Variants in STAT4 observed in about 807,000 individuals in gnomAD.
The protein encoded by STAT4 is signal transducer and activator of transcription 4.
STAT4 carries 42 observed loss-of-function variants against 110.5 expected under a neutral mutation model. The ratio of observed to expected loss-of-function variants is 0.38; its 90% CI spans 0.30 to 0.49. The LOEUF is 0.49. Among genes scored for constraint, STAT4 ranks in the 20% least tolerant of loss-of-function variants. The pLI is 0.95. For synonymous variants in STAT4, 284 were observed against 302.2 expected, an observed-to-expected ratio of 0.94 and a Z score of 0.63; for missense variants, 632 against 887.9, an observed-to-expected ratio of 0.71 and a Z score of 3.66.
intron 3 of STAT4, among the ~76,000 whole-genome samples, chr2:191,105,438 G>A (rs1698252870): frequency 6.6e-6 from 1 of 152,144 alleles, no homozygotes; most frequent in Non-Finnish European, 1.5e-5. Flanking sequence ...TTAAAAAGGT[G>A]GTCTTTACAG....
intron 3 of STAT4, among the ~76,000 whole-genome samples, chr2:191,141,835 T>C (rs1003591378): frequency 6.6e-6 from 1 of 152,038 alleles, no homozygotes; most frequent in Non-Finnish European, 1.5e-5. Flanking sequence ...TTTGCCATGA[T>C]GGCCAGGCTG....
intron 3 of STAT4, among the ~76,000 whole-genome samples, chr2:191,108,447 A>C (rs1477490714): frequency 6.6e-6 from 1 of 152,196 alleles, no homozygotes; most frequent in African/African-American, 2.4e-5. Flanking sequence ...AGATTCTTTC[A>C]CTTGCACATA....
At chr2:191,049,304 A>G (rs1380195469) in intron 14 of STAT4, among the ~76,000 whole-genome samples, 2 of 150,474 alleles carry the variant, frequency 1.3e-5, no homozygotes, top group African/African-American at 4.9e-5. Flanking sequence ...CCTCCTGAGT[A>G]GCTGGGACTA....
intron 3 of STAT4, among the ~76,000 whole-genome samples, chr2:191,084,683 A>C (rs1167529238): frequency 6.6e-6 from 1 of 152,062 alleles, no homozygotes; most frequent in African/African-American, 2.4e-5. Flanking sequence ...TAATCTTATA[A>C]AAAAATTCTA....
chr2:191,148,458 CCA>C (rs1553518181), intron 1 of STAT4, among the ~76,000 whole-genome samples: 1 of 152,106 alleles, frequency 6.6e-6, no homozygotes, highest in Non-Finnish European at 1.5e-5. Flanking sequence ...GTTTTCACTC[CCA>C]CTCTGCCAAA....
rs1470016075 is a variant in STAT4 at position 191,090,383 on chromosome 2, G to A, written c.274-14058C>T. Reference sequence around the variant, plus strand: ...AAAGTTAGCTTTAAATTCTCTCATCGTCGCAAAGGTTTTCTTGATAAAAGA... The same window carrying A: ...AAAGTTAGCTTTAAATTCTCTCATCATCGCAAAGGTTTTCTTGATAAAAGA... On this transcript the variant is annotated intron_variant, in intron 3 of 23. Transcript: ENST00000392320. The surrounding 1 kb of genome is among the most constrained non-coding windows in gnomAD (Gnocchi z 4.2). Among the ~76,000 whole-genome samples the A allele has an allele frequency of 2.0e-5, 3 of 151,918 alleles. No homozygotes were observed. The highest frequency in any genetic ancestry group is 1.9e-4 in the East Asian group (1 of 5,178).
Position 191,061,708 on chromosome 2 carries a change from G to A in STAT4, c.1034+21C>T. On this transcript the variant is annotated intron_variant, in intron 10 of 23. Coordinates refer to ENST00000392320, the MANE Select transcript of STAT4 (RefSeq NM_003151.4). The surrounding 1 kb of genome is among the most constrained non-coding windows in gnomAD (Gnocchi z 6.2). ...TATAGCTCCACAAACACACGAAATA[G>A]TAGAAAATGTTTTTGCCTACCTTAG... The A allele has an allele frequency of 6.2e-7, 1 of 1,605,580 alleles. No homozygotes were observed. The highest frequency in any genetic ancestry group is 8.5e-7 in the Non-Finnish European group (1 of 1,172,280).
At chr2:191,141,580 CA>C (rs1441026398) in intron 3 of STAT4, among the ~76,000 whole-genome samples, 1 of 129,920 alleles carries the variant, frequency 7.7e-6, no homozygotes, top group Non-Finnish European at 1.6e-5. Flanking sequence ...GATATATATA[CA>C]TATACATATA....
At position 191,053,584 on chromosome 2, in the gene STAT4, G is replaced by T. The variant is rs1195463920; in HGVS notation, c.1251+906C>A. Among the ~76,000 whole-genome samples, 1 of 152,120 alleles carries T rather than the reference G, an allele frequency of 6.6e-6. No homozygotes were observed. The highest frequency in any genetic ancestry group is 2.4e-5 in the African/African-American group (1 of 41,412). ...ATCAGTTTGTTCTTTCATTCAATTT[G>T]TCTAGTGAAATGCAAACATTAGAGA... On this transcript the variant is annotated intron_variant, in intron 14 of 23. Transcript: ENST00000392320. The surrounding 1 kb of genome is among the most constrained non-coding windows in gnomAD (Gnocchi z 4.5).
In STAT4 at chr2:191,130,513, C is replaced by T. The variant is rs966211468; in HGVS notation, c.273+16100G>A. 6.6e-5 allele frequency among the ~76,000 whole-genome samples: 10 copies of T among 151,628 alleles called. 2 individuals are homozygous for T. The highest frequency in any genetic ancestry group is 2.6e-4 in the Admixed American group (4 of 15,250). ...CTGGGATTACAGGCATGAGCCACGG[C>T]GCTTGGCCTATCTCGCTTTTTTAAA... On this transcript the variant is annotated intron_variant, in intron 3 of 23. Coordinates refer to ENST00000392320, the MANE Select transcript of STAT4 (RefSeq NM_003151.4).
At chr2:191,040,863 T>C (rs1398825729) in intron 15 of STAT4, among the ~76,000 whole-genome samples, 2 of 152,190 alleles carry the variant, frequency 1.3e-5, no homozygotes, top group East Asian at 3.8e-4. Flanking sequence ...TGCACCCAGC[T>C]ACCCACAAGC....
rs201536726 is a variant in STAT4, at chr2:191,062,059, A to AT, written c.942-239dup. On this transcript the variant is annotated intron_variant, in intron 9 of 23. Transcript: ENST00000392320. This position sits in a 1 kb window ranked among gnomAD's most constrained non-coding sequence, Gnocchi z 4.9. ...AATAAAAGCCCCAGTCCATTTAGTA[A>AT]TTTTTTTTTCTTTTGAGAAGGGTCT... is the stretch of plus-strand genomic sequence containing the variant. 1.1e-4 allele frequency among the ~76,000 whole-genome samples: 16 copies of AT among 151,692 alleles called. No individual in the cohort carries two copies. The highest frequency in any genetic ancestry group is 7.7e-4 in the East Asian group (4 of 5,170).
chr2:191,069,829 CA>C, intron 5 of STAT4, 58 bp from the exon 6 acceptor site: 3 of 1,376,952 alleles, frequency 2.2e-6, no homozygotes, highest in Non-Finnish European at 3.0e-6. Context: ...GTCAATCAAA[CA>C]ACATCATAAG....
intron 14 of STAT4, among the ~76,000 whole-genome samples, chr2:191,047,615 T>C (rs1355224252): frequency 6.6e-6 from 1 of 152,116 alleles, no homozygotes; most frequent in African/African-American, 2.4e-5. Flanking sequence ...AAAAGTTTAG[T>C]GTTTCCTCTT....
At position 191,150,485 on chromosome 2, in the gene STAT4, G is replaced by T. The variant is rs929605223; in HGVS notation, c.-2+462C>A. On this transcript the variant is annotated intron_variant, in intron 1 of 23. Transcript: ENST00000392320. This position sits in a 1 kb window ranked among gnomAD's most constrained non-coding sequence, Gnocchi z 6.4. ...TGCCGCTTTGGCTCTGTGGCCTGTA[G>T]CTTGCAAAAGGAGATGACCTGCCCT... Among the ~76,000 whole-genome samples the T allele has an allele frequency of 4.6e-5, 7 of 152,184 alleles. No homozygotes were observed. The highest frequency in any genetic ancestry group is 1.0e-4 in the Non-Finnish European group (7 of 68,032).
rs970373375 is a variant in STAT4 at position 191,091,403 on chromosome 2, T to C, written c.274-15078A>G. Among the ~76,000 whole-genome samples, 4 of 149,952 alleles carry C rather than the reference T, an allele frequency of 2.7e-5. No individual in the cohort carries two copies. Among genetic ancestry groups the C allele is most frequent in the Non-Finnish European group, 4.4e-5 (3 of 67,418 alleles). Reference sequence around the variant, plus strand: ...AGGTCTTACATGAATTAAATTAAACTAGGGTCACACTGAAAACTTTAAAAT... The same window carrying C: ...AGGTCTTACATGAATTAAATTAAACCAGGGTCACACTGAAAACTTTAAAAT... On this transcript the variant is annotated intron_variant, in intron 3 of 23. Transcript: ENST00000392320. This position sits in a 1 kb window ranked among gnomAD's most constrained non-coding sequence, Gnocchi z 5.4.
chr2:191,041,028 G>GAGCTTACATCTATTAATGCTGA, intron 15 of STAT4, 37 bp downstream of exon 15: 1 of 1,314,170 alleles, frequency 7.6e-7, no homozygotes, highest in Non-Finnish European at 1.0e-6. Flanking sequence ...TCTTGCAAAT[G>GAGCTTACATCTATTAATGCTGA]CCATTAGTAA....
chr2:191,058,834 T>C lies in STAT4; in HGVS notation c.1035-65A>G. ...TTAAAAGTGTTTAAAAACCCTTTTT[T>C]ATATTTAAACATTTAAATATACTAT... On this transcript the variant is annotated intron_variant, in intron 10 of 23. Transcript: ENST00000392320. This position sits in a 1 kb window ranked among gnomAD's most constrained non-coding sequence, Gnocchi z 4.3. The C allele has an allele frequency of 6.5e-6, 6 of 925,434 alleles. No individual in the cohort carries two copies. Among genetic ancestry groups the C allele is most frequent in the East Asian group, 2.7e-5 (1 of 37,342 alleles). The allele number at this position is 925,434 out of a possible 1,614,324, so 57.3% of individuals were successfully genotyped here.
rs568299240 is a variant in STAT4 at position 191,036,359 on chromosome 2, G to A, written c.1435-60C>T. ...TCTTACAGTGGGTAGCTAGTGAGGT[G>A]TGAGCAGGGCAAGAGAGGTCTCCCC... On this transcript the variant is annotated intron_variant, in intron 16 of 23. Transcript: ENST00000392320. 3.2e-6 allele frequency: 5 copies of A among 1,575,998 alleles called. No homozygotes were observed. In the Admixed American group the frequency reaches 6.9e-5, roughly 22 times the overall value.
Sources: allele counts gnomAD v4.1 joint callset (sites outside exome capture counted in the v4.1 genomes callset), GRCh38; gene constraint gnomAD v4.1.1; non-coding constraint Gnocchi (gnomAD v3.1); transcripts MANE v1.5; gene names NCBI Gene and HGNC (gene_info 2026-07-23, HGNC 2026-07-21).